The following VNN1 variants were observed in gnomAD, a reference collection of about 807,000 sequenced individuals.
The protein encoded by VNN1 is vanin 1.
VNN1 carries 29 observed loss-of-function variants against 41.9 expected under a neutral mutation model. The ratio of observed to expected loss-of-function variants is 0.69; its 90% CI spans 0.52 to 0.94. VNN1 has a LOEUF of 0.94. Among genes scored for constraint, VNN1 ranks in the 40% least tolerant of loss-of-function variants. The probability of loss-of-function intolerance (pLI) is 0.00; values close to 1 mark genes in which losing one functional copy is unlikely to be tolerated. For synonymous variants in VNN1, 233 were observed against 224.4 expected (o/e 1.04, Z -0.34); for missense variants, 637 against 621.1 (o/e 1.03, Z -0.27).
chr6:132,684,332 T>C lies in VNN1; in HGVS notation c.1359+3A>G, dbSNP rs538387785. 1.3e-4 allele frequency: 212 copies of C among 1,608,442 alleles called. No individual in the cohort carries two copies. The highest frequency in any genetic ancestry group is 2.9e-4 in the Admixed American group (17 of 59,326). The stretch of plus-strand genomic sequence containing the variant: ...CTAATTGGCAATATTCGAAGATTCT[T>C]ACCTGAAATTCTCCAGGTGCAAGCT... On this transcript the variant is annotated splice_donor_region_variant and intron_variant, in intron 6 of 6. Coordinates refer to ENST00000367928, the MANE Select transcript of VNN1 (RefSeq NM_004666.3).
chr6:132,711,056 TCAC>T (rs1159132969), intron 2 of VNN1, among the ~76,000 whole-genome samples: 1 of 152,238 alleles, frequency 6.6e-6, no homozygotes, highest in African/African-American at 2.4e-5. Flanking sequence ...TTTTTAATGA[TCAC>T]CATTCTAACT....
At chr6:132,692,740 T>C (rs1778311136) in intron 4 of VNN1, among the ~76,000 whole-genome samples, 156 bp from the exon 5 acceptor site, 1 of 152,008 alleles carries the variant, frequency 6.6e-6, no homozygotes, top group East Asian at 1.9e-4. Context: ...GACAGAGAAG[T>C]GAGAGGAAAT....
intron 5 of VNN1, among the ~76,000 whole-genome samples, chr6:132,687,839 TA>T (rs1299758159): frequency 2.0e-5 from 3 of 152,116 alleles, no homozygotes; most frequent in Middle Eastern, 3.4e-3. Context: ...TAACGAAATT[TA>T]AAAAAATAAG....
At chr6:132,697,922 T>C (rs1778395459) in intron 2 of VNN1, among the ~76,000 whole-genome samples, 1 of 152,212 alleles carries the variant, frequency 6.6e-6, no homozygotes, top group South Asian at 2.1e-4. Context: ...TTGGATCACC[T>C]TAAGTGGTGG....
intron 5 of VNN1, among the ~76,000 whole-genome samples, 173 bp from the exon 6 acceptor site, chr6:132,684,678 T>G (rs2840813): frequency 0.38 from 57,364 of 151,614 alleles, 11,974 homozygotes; most frequent in African/African-American, 0.56. Context: ...ATTTTAAAGA[T>G]AAAAAATAGA....
At chr6:132,696,308 A>C (rs1421308382) in intron 2 of VNN1, among the ~76,000 whole-genome samples, 1 of 152,212 alleles carries the variant, frequency 6.6e-6, no homozygotes, top group Non-Finnish European at 1.5e-5. Context: ...AAAAAATATT[A>C]AAGAAAATTG....
chr6:132,692,683 T>C, intron 4 of VNN1, 99 bp from the exon 5 acceptor site: 8 of 1,391,540 alleles, frequency 5.7e-6, no homozygotes, highest in Non-Finnish European at 7.6e-6. Context: ...CATTTTACTC[T>C]CTCTAAGTTA....
At chr6:132,688,522 T>A (rs994995951) in intron 5 of VNN1, among the ~76,000 whole-genome samples, 1 of 151,974 alleles carries the variant, frequency 6.6e-6, no homozygotes, top group African/African-American at 2.4e-5. Flanking sequence ...GCCAAGACTC[T>A]GGAGGAGGTA....
chr6:132,708,453 GTGA>G (rs1778550202), intron 2 of VNN1, among the ~76,000 whole-genome samples: 1 of 152,126 alleles, frequency 6.6e-6, no homozygotes, highest in South Asian at 2.1e-4. Context: ...AAAAAGAAAA[GTGA>G]TGAGAGCCTG....
intron 3 of VNN1, 46 bp from the exon 4 acceptor site, chr6:132,693,361 T>C: frequency 6.6e-7 from 1 of 1,521,370 alleles, no homozygotes; most frequent in African/African-American, 1.4e-5. Flanking sequence ...TTTAGGAAGT[T>C]GATCTGGACA....
At chr6:132,696,270 GA>G (rs1778370223) in intron 2 of VNN1, among the ~76,000 whole-genome samples, 1 of 152,166 alleles carries the variant, frequency 6.6e-6, no homozygotes, top group Admixed American at 6.5e-5. Flanking sequence ...CAGGACCATT[GA>G]AATTATTGAG....
chr6:132,703,506 A>G (rs899601275), intron 2 of VNN1, among the ~76,000 whole-genome samples: 2 of 152,196 alleles, frequency 1.3e-5, no homozygotes, highest in African/African-American at 2.4e-5. Flanking sequence ...ATAATGAACT[A>G]TAAGTTGTTA....
At chr6:132,703,237 A>G (rs557610408) in intron 2 of VNN1, among the ~76,000 whole-genome samples, 1 of 152,372 alleles carries the variant, frequency 6.6e-6, no homozygotes, top group South Asian at 2.1e-4. Flanking sequence ...ACTCACTAGT[A>G]AGTACACAGA....
At position 132,684,490 on chromosome 6, in the gene VNN1, TC is replaced by T. The variant is rs1778178605; in HGVS notation, c.1203del (p.Lys402AsnfsTer7). On this transcript the variant is annotated frameshift_variant, in exon 6 of 7. Transcript: ENST00000367928. LOFTEE classifies it high-confidence loss of function. ...GTGTTTAAATTAGTCGTTTTACATTTCAACAGGGTACAAATCTAGGGAAGTC... is the reference window on the plus strand; with the variant it reads ...GTGTTTAAATTAGTCGTTTTACATTTAACAGGGTACAAATCTAGGGAAGTC... ...GRYYLQICTL[L>X]KCKTTNLNTC... 6.2e-7 allele frequency: 1 copy of T among 1,613,986 alleles called. No individual in the cohort carries two copies. The highest frequency in any genetic ancestry group is 8.5e-7 in the Non-Finnish European group (1 of 1,179,932).
At chr6:132,703,783 A>T (rs1277381592) in intron 2 of VNN1, among the ~76,000 whole-genome samples, 2 of 152,174 alleles carry the variant, frequency 1.3e-5, no homozygotes, top group Non-Finnish European at 2.9e-5. Context: ...AAAGAAAAAA[A>T]ATCAATGGCA....
intron 5 of VNN1, among the ~76,000 whole-genome samples, chr6:132,690,799 C>G (rs576596797): frequency 6.6e-6 from 1 of 152,268 alleles, no homozygotes; most frequent in East Asian, 1.9e-4. Flanking sequence ...TCAAGGGGTT[C>G]TCAGTCTCAA....
At chr6:132,705,338 T>A (rs1778504667) in intron 2 of VNN1, among the ~76,000 whole-genome samples, 1 of 152,182 alleles carries the variant, frequency 6.6e-6, no homozygotes, top group South Asian at 2.1e-4. Context: ...CCAAGTCGGA[T>A]TTATCCCAAG....
chr6:132,697,818 G>T (rs757402379), intron 2 of VNN1, among the ~76,000 whole-genome samples: 2 of 152,118 alleles, frequency 1.3e-5, no homozygotes, highest in Middle Eastern at 3.2e-3. Context: ...CCGTTCAATA[G>T]TTTAACCCAC....
At chr6:132,688,649 A>G (rs1197582522) in intron 5 of VNN1, among the ~76,000 whole-genome samples, 1 of 152,200 alleles carries the variant, frequency 6.6e-6, no homozygotes, top group East Asian at 1.9e-4. Flanking sequence ...ATCACAATTT[A>G]TATTTTAATT....
Sources: gnomAD v4.1 joint callset for allele counts (sites outside exome capture counted in the v4.1 genomes callset) on GRCh38, gnomAD v4.1.1 for gene constraint, MANE v1.5 for transcripts, NCBI Gene and HGNC (gene_info 2026-07-23, HGNC 2026-07-21) for gene names.